Variants in TET3 observed in about 807,000 individuals in gnomAD.
TET3 encodes tet methylcytosine dioxygenase 3.
In TET3, 19 loss-of-function variants were observed where a neutral mutation model predicts 141.4. That is an observed-to-expected ratio of 0.13 (90% CI 0.09 to 0.20). The LOEUF is 0.20. Ranked by LOEUF, TET3 falls within the 10% of genes least tolerant of loss-of-function variation. The probability of loss-of-function intolerance (pLI) is 1.00; values close to 1 mark genes in which losing one functional copy is unlikely to be tolerated. For missense variants in TET3, 1,874 were observed against 2,356.9 expected, an observed-to-expected ratio of 0.80 and a Z score of 4.24; for synonymous variants, 1,043 against 980.9, an observed-to-expected ratio of 1.06 and a Z score of -1.18.
chr2:74,037,966 A>T (rs900151049), intron 3 of TET3, among the ~76,000 whole-genome samples: 3 of 152,160 alleles, frequency 2.0e-5, no homozygotes, highest in Admixed American at 2.0e-4. Context: ...GTGGCGTTCC[A>T]CACTTTTCCA....
chr2:74,035,532 G>T (rs1687003031), intron 3 of TET3, among the ~76,000 whole-genome samples: 1 of 150,198 alleles, frequency 6.7e-6, no homozygotes, highest in South Asian at 2.1e-4. Flanking sequence ...TTTGAAAGCA[G>T]CTTGACCAAC....
At chr2:74,005,945 C>T (rs576645130) in intron 3 of TET3, among the ~76,000 whole-genome samples, 18 of 152,242 alleles carry the variant, frequency 1.2e-4, no homozygotes, top group East Asian at 1.9e-4. Flanking sequence ...CCGAGAACAC[C>T]GGGCCGCCCT....
chr2:74,091,393 T>G (rs574087743), intron 8 of TET3, among the ~76,000 whole-genome samples: 1 of 152,364 alleles, frequency 6.6e-6, no homozygotes, highest in Non-Finnish European at 1.5e-5. Flanking sequence ...CTCAGATGAT[T>G]TCACGACCCC....
intron 2 of TET3, chr2:73,998,475 G>A (rs1684700598): frequency 6.6e-6 from 1 of 152,338 alleles, no homozygotes; most frequent in South Asian, 2.1e-4. Flanking sequence ...TTTCCCTCCA[G>A]TGTTGCTGGG....
chr2:74,063,202 T>A (rs984183990), intron 4 of TET3, among the ~76,000 whole-genome samples: 1 of 146,112 alleles, frequency 6.8e-6, no homozygotes, highest in Admixed American at 6.7e-5. Flanking sequence ...TTTTTTTTTT[T>A]AATGGAGTAT....
chr2:74,108,064 G>A lies in TET3; in HGVS notation c.*5888G>A, dbSNP rs1051834670. ...TGCAAGTATGTATCCTTTTTGATTTGTATTTTATTATAATTTACACAAACA... is the reference window on the plus strand; with the variant it reads ...TGCAAGTATGTATCCTTTTTGATTTATATTTTATTATAATTTACACAAACA... On this transcript the variant is annotated 3_prime_UTR_variant, in exon 12 of 12. Transcript: ENST00000409262. The A allele has an allele frequency of 6.5e-6, 1 of 153,500 alleles. No individual in the cohort carries two copies. Among genetic ancestry groups the A allele is most frequent in the Non-Finnish European group, 1.5e-5 (1 of 68,000 alleles). The allele number at this position is 153,500 out of a possible 1,614,324, so 9.5% of individuals were successfully genotyped here. A position where few individuals can be genotyped will look rare whatever the true frequency, so the allele number is the denominator to read the frequency against.
the TET3 span, among the ~76,000 whole-genome samples, chr2:74,115,104 G>T: frequency 6.6e-6 from 1 of 151,984 alleles, no homozygotes; most frequent in African/African-American, 2.4e-5. Context: ...ATAAGCAACT[G>T]AGATTATATC....
upstream of TET3, among the ~76,000 whole-genome samples, chr2:73,984,634 G>C (rs1683900106): frequency 6.6e-6 from 1 of 151,922 alleles, no homozygotes; most frequent in South Asian, 2.1e-4. This position sits in a 1 kb window ranked among gnomAD's most constrained non-coding sequence, Gnocchi z 5.6. Flanking sequence ...GCCGGAGGGC[G>C]AGGGTGGCCA....
At chr2:74,062,104 AC>A (rs1197110119) in intron 4 of TET3, among the ~76,000 whole-genome samples, 1 of 152,210 alleles carries the variant, frequency 6.6e-6, no homozygotes, top group Non-Finnish European at 1.5e-5. Context: ...AGCCGAGAGC[AC>A]GCCACTGCAC....
At chr2:73,990,474 G>C (rs1440952596) in intron 2 of TET3, among the ~76,000 whole-genome samples, 4 of 152,166 alleles carry the variant, frequency 2.6e-5, no homozygotes, top group African/African-American at 9.7e-5. Context: ...TCTGTGCTGG[G>C]GGAGGAGGCT....
At chr2:74,010,347 C>T (rs528902150) in intron 3 of TET3, among the ~76,000 whole-genome samples, 6 of 152,278 alleles carry the variant, frequency 3.9e-5, no homozygotes, top group East Asian at 1.9e-4. Flanking sequence ...TGGGGGAAGC[C>T]GGATGTGGAG....
intron 4 of TET3, among the ~76,000 whole-genome samples, chr2:74,070,177 T>G (rs2103911489): frequency 6.6e-6 from 1 of 152,212 alleles, no homozygotes; most frequent in East Asian, 1.9e-4. Flanking sequence ...TAGTCCATTT[T>G]CACGCTGCTG....
Position 74,034,161 on chromosome 2 carries a change from T to TA in TET3, c.361-12105dup, listed in dbSNP as rs1215640945. On this transcript the variant is annotated intron_variant, in intron 3 of 11. Transcript: ENST00000409262. ...TTGCCACAAACCTTAAATTCGTCAT[T>TA]AAAAAAAAAAAACAACAAACCACCC... 7.1e-3 allele frequency among the ~76,000 whole-genome samples: 982 copies of TA among 137,780 alleles called. 4 individuals carry two copies. The highest frequency in any genetic ancestry group is 0.02 in the African/African-American group (742 of 37,558). 90.4% of individuals were successfully genotyped at this position (137,780 alleles called of 152,430 possible). A position where few individuals can be genotyped will look rare whatever the true frequency, so the allele number is the denominator to read the frequency against.
chr2:74,002,491 G>A (rs1198879622), intron 2 of TET3, among the ~76,000 whole-genome samples: 1 of 152,154 alleles, frequency 6.6e-6, no homozygotes, highest in Non-Finnish European at 1.5e-5. Context: ...GAGGAGGCCG[G>A]GGGTGCCCTG....
intron 3 of TET3, among the ~76,000 whole-genome samples, chr2:74,036,420 C>T (rs1267727272): frequency 6.6e-6 from 1 of 152,208 alleles, no homozygotes; most frequent in Non-Finnish European, 1.5e-5. Flanking sequence ...AACCATCTCC[C>T]TATTGTTGGG....
intron 4 of TET3, among the ~76,000 whole-genome samples, chr2:74,065,071 A>G (rs1226338864): frequency 6.6e-6 from 1 of 152,262 alleles, no homozygotes; most frequent in Non-Finnish European, 1.5e-5. Context: ...ATATAGTGAT[A>G]GATCCATCTA....
At chr2:74,018,419 C>T (rs1172288073) in intron 3 of TET3, among the ~76,000 whole-genome samples, 1 of 152,060 alleles carries the variant, frequency 6.6e-6, no homozygotes, top group African/African-American at 2.4e-5. Context: ...AACGAGAATT[C>T]ATCAGTATTT....
chr2:74,069,894 C>T (rs958870100), intron 4 of TET3, among the ~76,000 whole-genome samples: 4 of 152,058 alleles, frequency 2.6e-5, no homozygotes, highest in African/African-American at 7.2e-5. Flanking sequence ...CACCGTGCCC[C>T]GACCTGTATG....
chr2:74,056,683 AC>A (rs1688237070), intron 4 of TET3, among the ~76,000 whole-genome samples: 1 of 152,220 alleles, frequency 6.6e-6, no homozygotes, highest in African/African-American at 2.4e-5. Context: ...CCTGGGGACT[AC>A]AAGGTAAAAT....
Sources: allele counts gnomAD v4.1 joint callset (sites outside exome capture counted in the v4.1 genomes callset), GRCh38; gene constraint gnomAD v4.1.1; non-coding constraint Gnocchi (gnomAD v3.1); transcripts MANE v1.5; gene names NCBI Gene and HGNC (gene_info 2026-07-23, HGNC 2026-07-21).